VGLL3: variants seen among roughly 807,000 people sequenced by gnomAD.
VGLL3 encodes the protein vestigial like family member 3.
In VGLL3, 18 loss-of-function variants were observed where a neutral mutation model predicts 29.2. The observed-to-expected ratio is 0.62, with a 90% confidence interval of 0.43 to 0.91. The LOEUF (loss-of-function observed/expected upper bound fraction) is 0.91, where lower values mean the gene tolerates loss of function less well. Among genes scored for constraint, VGLL3 ranks in the 40% least tolerant of loss-of-function variants. The probability of loss-of-function intolerance (pLI) is 0.00; values close to 1 mark genes in which losing one functional copy is unlikely to be tolerated. For missense variants in VGLL3, 440 were observed against 413.2 expected (o/e 1.06, Z -0.56); for synonymous variants, 180 against 151.8 (o/e 1.19, Z -1.36).
At chr3:86,972,698 G>C (rs1461991548) in intron 2 of VGLL3, among the ~76,000 whole-genome samples, 3 of 152,146 alleles carry the variant, frequency 2.0e-5, no homozygotes, top group Non-Finnish European at 4.4e-5. Flanking sequence ...GGTGAGTGAA[G>C]AAAATACAAT....
At chr3:86,952,738 A>T (rs529000980) in intron 3 of VGLL3, among the ~76,000 whole-genome samples, 1 of 152,294 alleles carries the variant, frequency 6.6e-6, no homozygotes, top group South Asian at 2.1e-4. Context: ...CCTTTAATAA[A>T]GATAAGAAAT....
At chr3:86,986,173 T>C (rs1378012949) in intron 1 of VGLL3, among the ~76,000 whole-genome samples, 2 of 147,174 alleles carry the variant, frequency 1.4e-5, no homozygotes, top group Non-Finnish European at 2.9e-5. Flanking sequence ...ATAGGTCACC[T>C]CCTTGCCATC....
chr3:86,969,098 C>T lies in VGLL3; in HGVS notation c.429G>A (p.Arg143=). ...WRDSSALSSQ[R]NSFPTSFWTS... ...TCCAAAAGGAAGTTGGGAAACTATT[C>T]CGCTGGCTTGAGAGAGCTGAGCTGT... The change falls in exon 3 of 4, where the codon CGG becomes CGA. Residue 143 remains arginine (R), a synonymous_variant. Coordinates refer to ENST00000398399, the MANE Select transcript of VGLL3 (RefSeq NM_016206.4). 6.2e-7 allele frequency: 1 copy of T among 1,604,584 alleles called. No homozygotes were observed. Among genetic ancestry groups the T allele is most frequent in the South Asian group, 1.1e-5 (1 of 90,064 alleles).
At chr3:86,953,654 T>C (rs2106971037) in intron 3 of VGLL3, among the ~76,000 whole-genome samples, 1 of 152,292 alleles carries the variant, frequency 6.6e-6, no homozygotes, top group Admixed American at 6.5e-5. Context: ...TCAATGTTAG[T>C]TTCTTTCACT....
chr3:86,966,771 G>GTATATATATA (rs1412231839), intron 3 of VGLL3, among the ~76,000 whole-genome samples: 1 of 69,534 alleles, frequency 1.4e-5, no homozygotes, highest in Non-Finnish European at 2.8e-5. Flanking sequence ...TAGTGTGTGT[G>GTATATATATA]TGTATATATA....
At chr3:86,954,696 T>C (rs1487006701) in intron 3 of VGLL3, among the ~76,000 whole-genome samples, 3 of 152,122 alleles carry the variant, frequency 2.0e-5, no homozygotes, top group Non-Finnish European at 2.9e-5. Context: ...TCTTGGGTGA[T>C]AGAAGCTGGG....
intron 1 of VGLL3, among the ~76,000 whole-genome samples, chr3:86,984,001 C>G (rs956533584): frequency 6.6e-6 from 1 of 152,114 alleles, no homozygotes; most frequent in South Asian, 2.1e-4. Flanking sequence ...AAATGTGTCT[C>G]TACGATATTT....
chr3:86,952,695 A>G (rs994531006), intron 3 of VGLL3, among the ~76,000 whole-genome samples: 3 of 152,172 alleles, frequency 2.0e-5, no homozygotes, highest in South Asian at 2.1e-4. Context: ...TAACATTTCT[A>G]TATTTAAAAA....
chr3:86,948,776 G>A (rs138155036), intron 3 of VGLL3, among the ~76,000 whole-genome samples: 2 of 151,808 alleles, frequency 1.3e-5, no homozygotes, highest in Non-Finnish European at 2.9e-5. Flanking sequence ...TTCCCATTTC[G>A]AAAGAAGAGG....
At chr3:86,960,164 T>C (rs1452588446) in intron 3 of VGLL3, among the ~76,000 whole-genome samples, 1 of 152,182 alleles carries the variant, frequency 6.6e-6, no homozygotes, top group Non-Finnish European at 1.5e-5. Context: ...GTGAATAGTA[T>C]ATAACAATTT....
rs148836628 is a variant in VGLL3, at chr3:86,939,875, C to A, written c.*7149G>T. The stretch of plus-strand genomic sequence containing the variant: ...CAGCAAGATTCTCTCTTGGAAGCAT[C>A]CAGGAAATGCCTCCTACATTCTGTA... On this transcript the variant is annotated 3_prime_UTR_variant, in exon 4 of 4. Transcript: ENST00000398399. 2.0e-5 allele frequency: 3 copies of A among 152,096 alleles called. No homozygotes were observed. The highest frequency in any genetic ancestry group is 2.0e-4 in the Admixed American group (3 of 15,274). The allele number at this position is 152,096 out of a possible 1,614,324, so 9.4% of individuals were successfully genotyped here. A position where few individuals can be genotyped will look rare whatever the true frequency, so the allele number is the denominator to read the frequency against.
intron 3 of VGLL3, among the ~76,000 whole-genome samples, chr3:86,966,798 T>TAC: frequency 9.1e-6 from 1 of 110,446 alleles, no homozygotes; most frequent in Non-Finnish European, 1.9e-5. Flanking sequence ...TATATATATA[T>TAC]ATATATATAT....
chr3:86,973,010 T>C (rs1705135429), intron 2 of VGLL3, among the ~76,000 whole-genome samples: 1 of 152,128 alleles, frequency 6.6e-6, no homozygotes, highest in African/African-American at 2.4e-5. Context: ...ATACCAGGTA[T>C]TTCTTTCAAT....
chr3:86,986,117 A>T (rs1382835533), intron 1 of VGLL3, among the ~76,000 whole-genome samples: 1 of 152,148 alleles, frequency 6.6e-6, no homozygotes, highest in Non-Finnish European at 1.5e-5. Flanking sequence ...GAAACAGTGC[A>T]TAGGAGAACA....
intron 3 of VGLL3, among the ~76,000 whole-genome samples, chr3:86,949,699 GC>G (rs535414914): frequency 4.1e-4 from 62 of 151,446 alleles, no homozygotes; most frequent in Middle Eastern, 6.8e-3. Context: ...GATGGCGGGC[GC>G]CCTGTAGTCC....
At chr3:86,976,464 A>T (rs1172090634) in intron 2 of VGLL3, among the ~76,000 whole-genome samples, 1 of 152,258 alleles carries the variant, frequency 6.6e-6, no homozygotes, top group Non-Finnish European at 1.5e-5. Flanking sequence ...ATTGCCTAAC[A>T]CATAGCAGGA....
chr3:86,966,557 G>T lies in VGLL3; in HGVS notation c.937+2033C>A, dbSNP rs567647824. 6.6e-5 allele frequency among the ~76,000 whole-genome samples: 10 copies of T among 151,630 alleles called. No homozygotes were observed. The East Asian group carries it at 2.0e-3, about 30-fold the overall frequency. On this transcript the variant is annotated intron_variant, in intron 3 of 3. Transcript: ENST00000398399. The stretch of plus-strand genomic sequence containing the variant: ...TTCACTATTAACCATTTTAATAGTT[G>T]AATTCACCTAATTTTATCTGATTTA...
chr3:86,956,986 C>A (rs1469209368), intron 3 of VGLL3, among the ~76,000 whole-genome samples: 3 of 152,034 alleles, frequency 2.0e-5, no homozygotes, highest in African/African-American at 7.2e-5. Flanking sequence ...GAGCCTAATT[C>A]ATAGTCTAAC....
chr3:86,952,403 C>A (rs115405929), intron 3 of VGLL3, among the ~76,000 whole-genome samples: 1,587 of 152,226 alleles, frequency 0.01, 26 homozygotes, highest in African/African-American at 0.035. Flanking sequence ...AGTCATTTAA[C>A]AACACCACTG....
Sources: allele counts gnomAD v4.1 joint callset (sites outside exome capture counted in the v4.1 genomes callset), GRCh38; gene constraint gnomAD v4.1.1; transcripts MANE v1.5; gene names NCBI Gene and HGNC (gene_info 2026-07-23, HGNC 2026-07-21).